The following RNF213 variants were observed in gnomAD, a reference collection of about 807,000 sequenced individuals.
The protein encoded by RNF213 is ring finger protein 213.
A neutral mutation model predicts 514.4 loss-of-function variants in RNF213; 341 were observed. The observed-to-expected ratio is 0.66, with a 90% CI of 0.61 to 0.73. The LOEUF (loss-of-function observed/expected upper bound fraction) is 0.73. Among genes scored for constraint, RNF213 ranks in the 30% least tolerant of loss-of-function variants. RNF213 has a pLI of 0.00. For missense variants in RNF213, 5,767 were observed against 6,615.6 expected (o/e 0.87, Z 4.45); for synonymous variants, 2,655 against 2,658.2 (o/e 1.00, Z 0.04).
At position 80,371,868 on chromosome 17, in the gene RNF213, C is replaced by A. The variant is rs373409901; in HGVS notation, c.12426-6C>A. 5.9e-6 allele frequency: 8 copies of A among 1,351,278 alleles called. No homozygotes were observed. In the Middle Eastern group the frequency reaches 7.1e-4, roughly 121 times the overall value. 83.7% of individuals were successfully genotyped at this position (1,351,278 alleles called of 1,614,324 possible). ...AGAACCAGGAATAATATTTCTCTTT[C>A]TGCAGCTTTCATGATGTAAAAGATT... On this transcript the variant is annotated splice_polypyrimidine_tract_variant and splice_region_variant and intron_variant, in intron 46 of 67. Coordinates refer to ENST00000582970, the MANE Select transcript of RNF213 (RefSeq NM_001256071.3).
intron 63 of RNF213, 114 bp downstream of exon 63, chr17:80,387,005 A>G: frequency 3.9e-6 from 4 of 1,037,484 alleles, no homozygotes; most frequent in Non-Finnish European, 5.8e-6. Context: ...TCTGGTCTGT[A>G]TCTCCTCCCT....
Position 80,344,986 on chromosome 17 carries a change from C to G in RNF213, c.6651C>G (p.Asn2217Lys). 6.2e-7 allele frequency: 1 copy of G among 1,614,186 alleles called. No homozygotes were observed. The highest frequency in any genetic ancestry group is 8.5e-7 in the Non-Finnish European group (1 of 1,180,040). Reference protein sequence around the residue: ...VINPSWSELRNFARFLNYQLR... With the variant: ...VINPSWSELRKFARFLNYQLR... The stretch of plus-strand genomic sequence containing the variant: ...ACCCATCCTGGTCAGAGCTTCGGAA[C>G]TTTGCTCGGTTCCTGAATTATCAGC... Residue 2217 changes from asparagine (N) to lysine (K), a missense_variant, in exon 29 of 68, where the codon AAC becomes AAG. Around this residue, in one of 13 missense-constraint regions of RNF213, gnomAD observed 1,377 missense variants for 1,635.2 expected, o/e 0.84. Transcript: ENST00000582970.
At chr17:80,334,001 C>T in intron 21 of RNF213, 104 bp from the exon 22 acceptor site, 1 of 1,325,346 alleles carries the variant, frequency 7.5e-7, no homozygotes, top group Non-Finnish European at 1.0e-6. Context: ...CAAATCTAGG[C>T]ATTGAGGGAG....
intron 42 of RNF213, among the ~76,000 whole-genome samples, chr17:80,365,734 CT>C (rs1211049549): frequency 6.6e-6 from 1 of 152,198 alleles, no homozygotes; most frequent in Admixed American, 6.5e-5. Flanking sequence ...CGGTGCCCCC[CT>C]TCCACCCTTT....
rs1253832723 is a variant in RNF213, at chr17:80,386,698, T to C, written c.14729T>C (p.Val4910Ala). 1 of 1,614,090 alleles carries C rather than the reference T, an allele frequency of 6.2e-7. No individual in the cohort carries two copies. The highest frequency in any genetic ancestry group is 1.7e-5 in the Admixed American group (1 of 60,012). ...KLSKENNSYS[V>A]DAAEVTELHV... The stretch of plus-strand genomic sequence containing the variant: ...GTCTTTCTGCCCCTCAGCTATTCCG[T>C]GGATGCCGCCGAGGTCACTGAACTG... The change falls in exon 63 of 68, where the codon GTG becomes GCG. Residue 4910 changes from valine to alanine, a missense_variant. By Grantham distance (64) the Val-to-Ala change is moderately conservative. Around this residue, in one of 13 missense-constraint regions of RNF213, gnomAD observed 1,245 missense variants for 1,339.0 expected, o/e 0.93. Coordinates refer to ENST00000582970, the MANE Select transcript of RNF213 (RefSeq NM_001256071.3).
At chr17:80,291,186 C>T (rs999219546) in intron 7 of RNF213, among the ~76,000 whole-genome samples, 1 of 152,138 alleles carries the variant, frequency 6.6e-6, no homozygotes, top group Non-Finnish European at 1.5e-5. Flanking sequence ...ACAGCTCTTC[C>T]TGGCCATGCA....
chr17:80,313,604 G>A (rs1243772838), intron 15 of RNF213, among the ~76,000 whole-genome samples: 1 of 125,606 alleles, frequency 8.0e-6, no homozygotes, highest in African/African-American at 2.9e-5. Context: ...TGGTGGTGGT[G>A]GAGGTGATGG....
chr17:80,298,588 C>G, intron 11 of RNF213, 70 bp downstream of exon 11: 1 of 1,553,436 alleles, frequency 6.4e-7, no homozygotes, highest in Non-Finnish European at 8.8e-7. Flanking sequence ...CACCCGGAGT[C>G]CCGGTGGGCT....
At chr17:80,381,188 T>C (rs1459539870) in intron 56 of RNF213, 2 of 647,620 alleles carry the variant, frequency 3.1e-6, no homozygotes, top group Non-Finnish European at 5.5e-6. Flanking sequence ...CCCCAGATTA[T>C]ACAGAATCCA....
intron 10 of RNF213, 24 bp downstream of exon 10, chr17:80,295,837 G>A (rs1488164136): frequency 3.1e-6 from 5 of 1,612,952 alleles, no homozygotes; most frequent in Non-Finnish European, 4.2e-6. Flanking sequence ...TTGTCAAAAT[G>A]TTTTTTATAG....
intron 2 of RNF213, among the ~76,000 whole-genome samples, chr17:80,271,928 C>T (rs1392549746): frequency 5.3e-5 from 8 of 151,304 alleles, no homozygotes; most frequent in African/African-American, 1.5e-4. Flanking sequence ...TGCAGTGAGC[C>T]GAGATTGCAC....
chr17:80,375,865 C>T lies in RNF213; in HGVS notation c.13180C>T (p.Pro4394Ser). 6.2e-7 allele frequency: 1 copy of T among 1,607,036 alleles called. No individual in the cohort carries two copies. Among genetic ancestry groups the T allele is most frequent in the Middle Eastern group, 1.7e-4 (1 of 6,050 alleles). Reference protein sequence around the residue: ...RSHNASLHPTPEQCEAVSKFI... With the variant: ...RSHNASLHPTSEQCEAVSKFI... ...CCACAATGCAAGCCTCCACCCCACG[C>T]CAGAGGTGAGTAACCGCCTGCAGGG... The change falls in exon 51 of 68, where the codon CCA becomes TCA. Residue 4394 changes from proline (P) to serine (S), a missense_variant. This residue lies in a region of RNF213 where 1,245 missense variants were observed against 1,339.0 expected (regional missense o/e 0.93). Coordinates refer to ENST00000582970, the MANE Select transcript of RNF213 (RefSeq NM_001256071.3).
At position 80,376,850 on chromosome 17, in the gene RNF213, T is replaced by C. The variant is rs2079779869; in HGVS notation, c.13429-32T>C. On this transcript the variant is annotated intron_variant, in intron 52 of 67. Coordinates refer to ENST00000582970, the MANE Select transcript of RNF213 (RefSeq NM_001256071.3). ...AGCACCCAGGTGACAAGCTCACTTA[T>C]CTAGAGCTGTCTCTGTCTTCTTGTT... 4 of 1,587,762 alleles carry C rather than the reference T, an allele frequency of 2.5e-6. No homozygotes were observed. The Admixed American group carries it at 6.7e-5, about 27-fold the overall frequency.
intron 62 of RNF213, 26 bp from the exon 63 acceptor site, chr17:80,386,664 C>T: frequency 1.2e-6 from 2 of 1,612,832 alleles, no homozygotes; most frequent in Non-Finnish European, 1.7e-6. Context: ...GGCCTGGACG[C>T]TGAGCGCTGT....
At chr17:80,294,667 C>T in intron 8 of RNF213, 53 bp from the exon 9 acceptor site, 1 of 1,602,862 alleles carries the variant, frequency 6.2e-7, no homozygotes, top group Non-Finnish European at 8.5e-7. Context: ...GTGTCTAGGT[C>T]TCCAGGGTTT....
At chr17:80,313,683 ATGGTGGTGGTGAAGGGGATGGTGG>A (rs1403180222) in intron 15 of RNF213, among the ~76,000 whole-genome samples, 1 of 111,226 alleles carries the variant, frequency 9.0e-6, no homozygotes, top group African/African-American at 3.6e-5. Flanking sequence ...AATGGAGGTG[ATGGTGGTGGTGAAGGGGATGGTGG>A]TGATGGAGGT....
At position 80,339,378 on chromosome 17, in the gene RNF213, G is replaced by A; in HGVS notation, c.5011G>A (p.Glu1671Lys). 1 of 1,537,258 alleles carries A rather than the reference G, an allele frequency of 6.5e-7. No individual in the cohort carries two copies. The highest frequency in any genetic ancestry group is 8.7e-7 in the Non-Finnish European group (1 of 1,146,920). The change falls in exon 26 of 68, where the codon GAG becomes AAG. Residue 1671 changes from glutamate (E) to lysine (K), a missense_variant. By Grantham distance (56) the Glu-to-Lys change is moderately conservative (BLOSUM62 1). This residue lies in a region of RNF213 where 1,377 missense variants were observed against 1,635.2 expected (regional missense o/e 0.84). Coordinates refer to ENST00000582970, the MANE Select transcript of RNF213 (RefSeq NM_001256071.3). ...TELKEGGDVT[E>K]LLAALCRQME... Reference sequence around the variant, plus strand: ...GCTTAAAGAAGGTGGAGATGTCACTGAGCTGCTGGCAGCCCTCTGCAGGCA... The same window carrying A: ...GCTTAAAGAAGGTGGAGATGTCACTAAGCTGCTGGCAGCCCTCTGCAGGCA...
rs1180665958 is a variant in RNF213 at position 80,368,152 on chromosome 17, C to G, written c.12155+9C>G. On this transcript the variant is annotated intron_variant, in intron 44 of 67. Transcript: ENST00000582970. ...GTTTCCCAAGCGCACAGGTACAACA[C>G]CCTTTCTCTCAAGAAAGCATCCTTT... The G allele has an allele frequency of 1.2e-6, 2 of 1,613,864 alleles. No homozygotes were observed. Among genetic ancestry groups the G allele is most frequent in the East Asian group, 4.5e-5 (2 of 44,890 alleles).
In RNF213 at chr17:80,364,324, G is replaced by A; in HGVS notation, c.11751-109G>A. The A allele has an allele frequency of 2.0e-6, 3 of 1,497,872 alleles. No individual in the cohort carries two copies. In the East Asian group the frequency reaches 6.8e-5, roughly 34 times the overall value. 92.8% of individuals were successfully genotyped at this position (1,497,872 alleles called of 1,614,324 possible). A position where few individuals can be genotyped will look rare whatever the true frequency, so the allele number is the denominator to read the frequency against. ...GGCTTGCTTGTAATCCCAGCCGCTG[G>A]GCCTGGACCCCGGGTCCCGCATCTC... On this transcript the variant is annotated intron_variant, in intron 41 of 67. Coordinates refer to ENST00000582970, the MANE Select transcript of RNF213 (RefSeq NM_001256071.3).
Sources: allele counts gnomAD v4.1 joint callset (sites outside exome capture counted in the v4.1 genomes callset), GRCh38; gene constraint gnomAD v4.1.1; regional missense constraint gnomAD v4.1.1; transcripts MANE v1.5; gene names NCBI Gene and HGNC (gene_info 2026-07-23, HGNC 2026-07-21).